Variants in STAT4 observed in about 807,000 individuals in gnomAD.
The protein encoded by STAT4 is signal transducer and activator of transcription 4.
A neutral mutation model predicts 110.5 loss-of-function variants in STAT4; 42 were observed. That is an observed-to-expected ratio of 0.38 (90% CI 0.30 to 0.49). The LOEUF is 0.49. Among genes scored for constraint, STAT4 ranks in the 20% least tolerant of loss-of-function variants. The pLI, the probability that STAT4 is intolerant of heterozygous loss-of-function variation, is 0.95. For missense variants in STAT4, 632 were observed against 887.9 expected, an observed-to-expected ratio of 0.71 and a Z score of 3.66; for synonymous variants, 284 against 302.2, an observed-to-expected ratio of 0.94 and a Z score of 0.63.
intron 3 of STAT4, among the ~76,000 whole-genome samples, chr2:191,094,477 T>A (rs1047459927): frequency 6.6e-6 from 1 of 152,146 alleles, no homozygotes; most frequent in African/African-American, 2.4e-5. Context: ...GAATTTCATA[T>A]CCAGCCAAAC....
At chr2:191,072,946 T>C (rs926255179) in intron 5 of STAT4, 152 bp downstream of exon 5, 4 of 496,030 alleles carry the variant, frequency 8.1e-6, no homozygotes, top group Non-Finnish European at 1.4e-5. Flanking sequence ...AGAAATATTC[T>C]TATATAAACA....
intron 3 of STAT4, among the ~76,000 whole-genome samples, chr2:191,105,902 C>T (rs1490850368): frequency 3.3e-5 from 5 of 152,128 alleles, no homozygotes; most frequent in African/African-American, 1.2e-4. Flanking sequence ...AATAAGTAAC[C>T]CCAAGTTCTG....
At chr2:191,054,126 CAAAA>C (rs1351116378) in intron 14 of STAT4, among the ~76,000 whole-genome samples, 1 of 51,800 alleles carries the variant, frequency 1.9e-5, no homozygotes, top group Non-Finnish European at 4.3e-5. Context: ...AGACCCTTCT[CAAAA>C]AAAAAAAAAA....
At position 191,083,259 on chromosome 2, in the gene STAT4, G is replaced by A. The variant is rs1369983887; in HGVS notation, c.274-6934C>T. On this transcript the variant is annotated intron_variant, in intron 3 of 23. Transcript: ENST00000392320. The surrounding 1 kb of genome is among the most constrained non-coding windows in gnomAD (Gnocchi z 4.6). Reference sequence around the variant, plus strand: ...AAGAGAAGGGAGCCAGTAAGGGTGTGCTGTTAGCCATTTGCTAAGATGGGC... The same window carrying A: ...AAGAGAAGGGAGCCAGTAAGGGTGTACTGTTAGCCATTTGCTAAGATGGGC... Among the ~76,000 whole-genome samples the A allele has an allele frequency of 6.6e-6, 1 of 152,216 alleles. No individual in the cohort carries two copies. The highest frequency in any genetic ancestry group is 6.5e-5 in the Admixed American group (1 of 15,282).
rs148938885 is a variant in STAT4 at position 191,079,583 on chromosome 2, A to G, written c.274-3258T>C. On this transcript the variant is annotated intron_variant, in intron 3 of 23. Coordinates refer to ENST00000392320, the MANE Select transcript of STAT4 (RefSeq NM_003151.4). ...TTATTAATTCTAAAATTATATCTGTATATTCTTTGGAATTTTCTGCATATA... is the reference window on the plus strand; with the variant it reads ...TTATTAATTCTAAAATTATATCTGTGTATTCTTTGGAATTTTCTGCATATA... Among the ~76,000 whole-genome samples, 412 of 152,122 alleles carry G rather than the reference A, an allele frequency of 2.7e-3. 3 individuals are homozygous for G. The highest frequency in any genetic ancestry group is 7.1e-3 in the East Asian group (37 of 5,188).
chr2:191,115,416 C>T (rs921181524), intron 3 of STAT4, among the ~76,000 whole-genome samples: 9 of 152,168 alleles, frequency 5.9e-5, no homozygotes, highest in African/African-American at 2.2e-4. Context: ...GGTGTCTCAC[C>T]CTAGGAGACA....
rs369717221 is a variant in STAT4, at chr2:191,090,777, C to T, written c.274-14452G>A. On this transcript the variant is annotated intron_variant, in intron 3 of 23. Transcript: ENST00000392320. This position sits in a 1 kb window ranked among gnomAD's most constrained non-coding sequence, Gnocchi z 4.2. ...GGGTTTCACCGTGTTAGCCTGACACCGTGTTAGCCTGTTCACCAAGACAGG... is the reference window on the plus strand; with the variant it reads ...GGGTTTCACCGTGTTAGCCTGACACTGTGTTAGCCTGTTCACCAAGACAGG... 2.0e-5 allele frequency among the ~76,000 whole-genome samples: 3 copies of T among 152,134 alleles called. No homozygotes were observed. The highest frequency in any genetic ancestry group is 2.1e-4 in the South Asian group (1 of 4,820).
chr2:191,036,124 C>CA (rs758492975), intron 17 of STAT4, 40 bp downstream of exon 17: 2 of 1,598,602 alleles, frequency 1.3e-6, no homozygotes, highest in Non-Finnish European at 1.7e-6. Flanking sequence ...GCCTGAGGGC[C>CA]AAAAACAGAG....
At chr2:191,072,124 G>A (rs1216586690) in intron 5 of STAT4, among the ~76,000 whole-genome samples, 2 of 152,056 alleles carry the variant, frequency 1.3e-5, no homozygotes, top group Non-Finnish European at 2.9e-5. Context: ...ATCTGCTCGG[G>A]GGTCCAAAAA....
At chr2:191,067,697 A>G (rs913037864) in intron 6 of STAT4, among the ~76,000 whole-genome samples, 1 of 152,166 alleles carries the variant, frequency 6.6e-6, no homozygotes, top group Non-Finnish European at 1.5e-5. Context: ...CATGCTGTGC[A>G]TGTTAAATTA....
chr2:191,132,002 T>C (rs996500163), intron 3 of STAT4: 2 of 1,209,842 alleles, frequency 1.7e-6, no homozygotes, highest in Non-Finnish European at 2.1e-6. Context: ...AAACACGCCA[T>C]TCATTCCACA....
intron 13 of STAT4, 46 bp from the exon 14 acceptor site, chr2:191,054,580 G>T: frequency 6.4e-7 from 1 of 1,562,786 alleles, no homozygotes; most frequent in Non-Finnish European, 8.8e-7. Context: ...AGCATTATCA[G>T]CTACATATTA....
intron 3 of STAT4, among the ~76,000 whole-genome samples, chr2:191,093,097 A>G (rs1249601706): frequency 3.3e-5 from 5 of 152,212 alleles, no homozygotes; most frequent in Admixed American, 2.0e-4. Context: ...CTGCCTCTGT[A>G]GACCCCATCT....
chr2:191,072,389 C>T lies in STAT4; in HGVS notation c.465+709G>A, dbSNP rs575230235. Among the ~76,000 whole-genome samples the T allele has an allele frequency of 2.6e-5, 4 of 152,318 alleles. No individual in the cohort carries two copies. In the South Asian group the frequency reaches 6.2e-4, roughly 24 times the overall value. On this transcript the variant is annotated intron_variant, in intron 5 of 23. Coordinates refer to ENST00000392320, the MANE Select transcript of STAT4 (RefSeq NM_003151.4). ...CCTAGGTCTGTCTGATTCTTTCTCA[C>T]AACAGTGTAAGCCCAGACTTTTGCA... is the stretch of plus-strand genomic sequence containing the variant.
Position 191,039,186 on chromosome 2 carries a change from A to G in STAT4, c.1434+13T>C. ...AATAGCATTAAAGAAGTTGAGGTAGAAATAGAGTCTACCTGGGAATCGTTG... is the reference window on the plus strand; with the variant it reads ...AATAGCATTAAAGAAGTTGAGGTAGGAATAGAGTCTACCTGGGAATCGTTG... On this transcript the variant is annotated intron_variant, in intron 16 of 23. Transcript: ENST00000392320. The surrounding 1 kb of genome is among the most constrained non-coding windows in gnomAD (Gnocchi z 4.7). 1 of 1,612,392 alleles carries G rather than the reference A, an allele frequency of 6.2e-7. No individual in the cohort carries two copies. Among genetic ancestry groups the G allele is most frequent in the Non-Finnish European group, 8.5e-7 (1 of 1,178,362 alleles).
At chr2:191,076,093 A>G in intron 4 of STAT4, 134 bp downstream of exon 4, 1 of 671,808 alleles carries the variant, frequency 1.5e-6, no homozygotes, top group Non-Finnish European at 2.6e-6. Flanking sequence ...GCTTCAAATG[A>G]TCCTCCCACC....
rs372094102 is a variant in STAT4, at chr2:191,044,939, A to G, written c.1252-3791T>C. On this transcript the variant is annotated intron_variant, in intron 14 of 23. Transcript: ENST00000392320. ...GTAATACAAGAATGGAAATACAATC[A>G]TAGTATGCTATATGGCTTAGCTGTT... Among the ~76,000 whole-genome samples the G allele has an allele frequency of 1.6e-4, 25 of 152,356 alleles. 1 individual carries two copies. The highest frequency in any genetic ancestry group is 6.0e-4 in the African/African-American group (25 of 41,594).
At chr2:191,124,453 CAAAAAAA>C (rs34438452) in intron 3 of STAT4, among the ~76,000 whole-genome samples, 1 of 71,228 alleles carries the variant, frequency 1.4e-5, no homozygotes, top group Non-Finnish European at 2.6e-5. Flanking sequence ...GACGCCGTCT[CAAAAAAA>C]AAAAAAAAAA....
chr2:191,031,285 G>T lies in STAT4; in HGVS notation c.2111+165C>A. On this transcript the variant is annotated intron_variant, in intron 22 of 23. Transcript: ENST00000392320. The surrounding 1 kb of genome is among the most constrained non-coding windows in gnomAD (Gnocchi z 4.8). ...GAATTTTATAATTTTAGGCACAATA[G>T]ATTGTGGTAAGTGTGCCCTGAAGGC... 1.1e-6 allele frequency: 1 copy of T among 897,484 alleles called. No homozygotes were observed. The highest frequency in any genetic ancestry group is 1.7e-6 in the Non-Finnish European group (1 of 595,438). The allele number at this position is 897,484 out of a possible 1,614,324, so 55.6% of individuals were successfully genotyped here.
Sources: gnomAD v4.1 joint callset for allele counts (sites outside exome capture counted in the v4.1 genomes callset) on GRCh38, gnomAD v4.1.1 for gene constraint, Gnocchi (gnomAD v3.1) non-coding constraint, MANE v1.5 for transcripts, NCBI Gene and HGNC (gene_info 2026-07-23, HGNC 2026-07-21) for gene names.